LSAMP: variants seen among roughly 807,000 people sequenced by gnomAD.
The protein encoded by LSAMP is limbic system associated membrane protein, also known as limbic system-associated membrane protein.
In LSAMP, 7 loss-of-function variants were observed where a neutral mutation model predicts 38.6. The ratio of observed to expected loss-of-function variants is 0.18; its 90% CI spans 0.10 to 0.34. LSAMP has a LOEUF of 0.34. Among genes scored for constraint, LSAMP ranks in the 10% least tolerant of loss-of-function variants. The probability of loss-of-function intolerance (pLI) is 1.00; values close to 1 mark genes in which losing one functional copy is unlikely to be tolerated. For synonymous variants in LSAMP, 154 were observed against 166.8 expected, an observed-to-expected ratio of 0.92 and a Z score of 0.59; for missense variants, 313 against 420.0, an observed-to-expected ratio of 0.75 and a Z score of 2.23.
At chr3:116,180,291 A>G (rs1710454160) in intron 1 of LSAMP, among the ~76,000 whole-genome samples, 1 of 152,204 alleles carries the variant, frequency 6.6e-6, no homozygotes. Context: ...ATAACTATAA[A>G]GGAAAGACAC....
At chr3:116,064,161 C>T (rs1190011740) in intron 2 of LSAMP, among the ~76,000 whole-genome samples, 1 of 152,112 alleles carries the variant, frequency 6.6e-6, no homozygotes, top group Non-Finnish European at 1.5e-5. Context: ...TTGGAGTTTC[C>T]TATGCAAGAT....
chr3:116,134,027 G>C (rs1464937695), intron 1 of LSAMP, among the ~76,000 whole-genome samples: 2 of 152,008 alleles, frequency 1.3e-5, no homozygotes, highest in African/African-American at 4.8e-5. Flanking sequence ...AATAAGCTTT[G>C]GACTGAACTA....
At chr3:116,116,805 AGTTT>A (rs997396850) in intron 1 of LSAMP, among the ~76,000 whole-genome samples, 5 of 152,146 alleles carry the variant, frequency 3.3e-5, no homozygotes, top group African/African-American at 1.2e-4. Flanking sequence ...CCACGTCAAA[AGTTT>A]GACTACGGTG....
intron 2 of LSAMP, among the ~76,000 whole-genome samples, chr3:116,053,404 C>G (rs1576335548): frequency 6.6e-6 from 1 of 152,100 alleles, no homozygotes; most frequent in East Asian, 1.9e-4. Flanking sequence ...GCAACCATGG[C>G]ACAATGAAAT....
intron 3 of LSAMP, among the ~76,000 whole-genome samples, chr3:115,865,080 A>G (rs1204747175): frequency 6.6e-6 from 1 of 152,222 alleles, no homozygotes; most frequent in East Asian, 1.9e-4. Flanking sequence ...TAATTTGCTA[A>G]TGGATGTCAA....
chr3:116,038,198 C>CA (rs1169120016), intron 2 of LSAMP, among the ~76,000 whole-genome samples: 1 of 152,096 alleles, frequency 6.6e-6, no homozygotes, highest in Non-Finnish European at 1.5e-5. Flanking sequence ...TCAGTTTTCT[C>CA]ACCTGAAGGA....
chr3:116,407,631 A>T (rs2048913910), intron 1 of LSAMP, among the ~76,000 whole-genome samples: 1 of 152,088 alleles, frequency 6.6e-6, no homozygotes, highest in African/African-American at 2.4e-5. Context: ...ATCTTAAGAA[A>T]TTGTTGGTTA....
At chr3:116,346,973 G>C (rs1309660764) in intron 1 of LSAMP, among the ~76,000 whole-genome samples, 1 of 152,100 alleles carries the variant, frequency 6.6e-6, no homozygotes, top group Non-Finnish European at 1.5e-5. Context: ...TAAATAAAAT[G>C]ATAAAATGAT....
intron 1 of LSAMP, among the ~76,000 whole-genome samples, chr3:116,285,387 C>T (rs2047181731): frequency 6.6e-6 from 1 of 152,076 alleles, no homozygotes; most frequent in African/African-American, 2.4e-5. Flanking sequence ...GTGAGTCTGC[C>T]AATCCTCAGG....
chr3:116,417,308 C>G (rs1280140212), intron 1 of LSAMP, among the ~76,000 whole-genome samples: 2 of 152,154 alleles, frequency 1.3e-5, no homozygotes, highest in Non-Finnish European at 1.5e-5. Context: ...GCACATTTAA[C>G]AGGGTTGTTT....
intron 2 of LSAMP, among the ~76,000 whole-genome samples, chr3:116,041,358 A>T (rs1203499041): frequency 1.3e-5 from 2 of 152,216 alleles, no homozygotes; most frequent in Non-Finnish European, 2.9e-5. Context: ...AATTTATCAA[A>T]CATGCTTGTC....
At chr3:116,346,441 G>A (rs572921215) in intron 1 of LSAMP, among the ~76,000 whole-genome samples, 53 of 151,268 alleles carry the variant, frequency 3.5e-4, no homozygotes, top group Middle Eastern at 3.4e-3. Context: ...CGATCCTCCC[G>A]CCTCAGTGTC....
rs376694441 is a variant in LSAMP, at chr3:115,814,435, A to G, written c.920-4021T>C. 3.3e-5 allele frequency among the ~76,000 whole-genome samples: 5 copies of G among 152,308 alleles called. No individual in the cohort carries two copies. The South Asian group carries it at 6.2e-4, about 19-fold the overall frequency. On this transcript the variant is annotated intron_variant, in intron 6 of 6. Coordinates refer to ENST00000490035, the MANE Select transcript of LSAMP (RefSeq NM_002338.5). The stretch of plus-strand genomic sequence containing the variant: ...TTTTTGGCAAGTCTCTAGACTATAA[A>G]TTTGTTTCAGGATCTGGAGCCAATT...
chr3:116,200,847 T>G (rs1168948080), intron 1 of LSAMP, among the ~76,000 whole-genome samples: 3 of 152,198 alleles, frequency 2.0e-5, no homozygotes, highest in Admixed American at 1.3e-4. Context: ...CCCTTTCTTG[T>G]TCTCTTCTAT....
chr3:115,945,865 CATT>C (rs1312487553), intron 3 of LSAMP, among the ~76,000 whole-genome samples: 1 of 152,156 alleles, frequency 6.6e-6, no homozygotes, highest in Admixed American at 6.6e-5. Flanking sequence ...TTCTTATTGA[CATT>C]ATTACCTACT....
intron 1 of LSAMP, among the ~76,000 whole-genome samples, chr3:116,114,760 G>A (rs1345132574): frequency 3.3e-5 from 5 of 152,202 alleles, no homozygotes; most frequent in African/African-American, 9.7e-5. Flanking sequence ...GTAGATTGTA[G>A]ACTCTAATAG....
At chr3:116,415,514 C>A (rs2049038234) in intron 1 of LSAMP, among the ~76,000 whole-genome samples, 1 of 152,048 alleles carries the variant, frequency 6.6e-6, no homozygotes, top group African/African-American at 2.4e-5. Context: ...ACATGCATAA[C>A]AAAATGATCT....
intron 1 of LSAMP, among the ~76,000 whole-genome samples, chr3:116,379,732 G>A (rs1021471237): frequency 2.0e-5 from 3 of 151,866 alleles, no homozygotes; most frequent in African/African-American, 7.3e-5. Flanking sequence ...ATAAGAATCA[G>A]CATAATCAAA....
At chr3:116,024,698 T>C (rs1341830539) in intron 2 of LSAMP, among the ~76,000 whole-genome samples, 6 of 152,088 alleles carry the variant, frequency 3.9e-5, no homozygotes, top group Non-Finnish European at 1.5e-5. Flanking sequence ...GAATTAAGTT[T>C]AGATAATCAC....
Sources: gnomAD v4.1 joint callset for allele counts (sites outside exome capture counted in the v4.1 genomes callset) on GRCh38, gnomAD v4.1.1 for gene constraint, MANE v1.5 for transcripts, NCBI Gene and HGNC (gene_info 2026-07-23, HGNC 2026-07-21) for gene names.